Variants in CHST11 observed in about 807,000 individuals in gnomAD.
The protein encoded by CHST11 is C4S-1.
A neutral mutation model predicts 30.4 loss-of-function variants in CHST11; 9 were observed. The ratio of observed to expected loss-of-function variants is 0.30; its 90% CI spans 0.18 to 0.52. CHST11 has a LOEUF of 0.52. Ranked by LOEUF, CHST11 falls within the 20% of genes least tolerant of loss-of-function variation. CHST11 has a pLI of 0.97. For missense variants in CHST11, 348 were observed against 460.6 expected (o/e 0.76, Z 2.24); for synonymous variants, 152 against 187.8 (o/e 0.81, Z 1.56).
intron 2 of CHST11, among the ~76,000 whole-genome samples, chr12:104,744,942 C>T (rs2040378936): frequency 6.6e-6 from 1 of 151,988 alleles, no homozygotes; most frequent in Non-Finnish European, 1.5e-5. Flanking sequence ...GGCATGATCT[C>T]GGCTCACTGC....
At chr12:104,464,724 A>G (rs1270812657) in intron 1 of CHST11, among the ~76,000 whole-genome samples, 2 of 152,190 alleles carry the variant, frequency 1.3e-5, no homozygotes, top group Admixed American at 6.5e-5. Flanking sequence ...GATTTGAGAA[A>G]AATTTTGACT....
chr12:104,714,831 TCA>T (rs1420534332), intron 2 of CHST11, among the ~76,000 whole-genome samples: 1 of 152,186 alleles, frequency 6.6e-6, no homozygotes, highest in East Asian at 1.9e-4. Flanking sequence ...TTTTTGTGCC[TCA>T]GTTTCCTCAT....
In CHST11 at chr12:104,622,340, A is replaced by AT. The variant is rs576135922; in HGVS notation, c.204+20357dup. Among the ~76,000 whole-genome samples, 350 of 152,150 alleles carry AT rather than the reference A, an allele frequency of 2.3e-3. 1 individual carries two copies. Among genetic ancestry groups the AT allele is most frequent in the African/African-American group, 8.0e-3 (334 of 41,516 alleles). On this transcript the variant is annotated intron_variant, in intron 2 of 2. Coordinates refer to ENST00000303694, the MANE Select transcript of CHST11 (RefSeq NM_018413.6). ...CTACCACTGTTTAGTCAGTACATTT[A>AT]TTTTTTTTAAAAGGACGGAGTAAAT... is the stretch of plus-strand genomic sequence containing the variant.
At chr12:104,566,766 C>T (rs2038571637) in intron 1 of CHST11, among the ~76,000 whole-genome samples, 1 of 152,164 alleles carries the variant, frequency 6.6e-6, no homozygotes. Flanking sequence ...GGTACATACA[C>T]CTCCCATGTT....
chr12:104,742,619 C>A (rs769713172), intron 2 of CHST11, among the ~76,000 whole-genome samples: 1 of 152,186 alleles, frequency 6.6e-6, no homozygotes, highest in Non-Finnish European at 1.5e-5. Context: ...CCTATTCCTG[C>A]CCCCCTCCGG....
At chr12:104,598,910 C>T (rs1423612801) in intron 1 of CHST11, among the ~76,000 whole-genome samples, 1 of 42,648 alleles carries the variant, frequency 2.3e-5, no homozygotes, top group Non-Finnish European at 5.4e-5. Context: ...TGACCCTCAC[C>T]TCACAGGTTG....
At chr12:104,482,164 T>C (rs1237199658) in intron 1 of CHST11, among the ~76,000 whole-genome samples, 2 of 152,018 alleles carry the variant, frequency 1.3e-5, no homozygotes, top group Admixed American at 1.3e-4. Flanking sequence ...ATATAAAGAA[T>C]GTATGGCTCT....
At chr12:104,569,807 A>C (rs2038606199) in intron 1 of CHST11, among the ~76,000 whole-genome samples, 1 of 152,180 alleles carries the variant, frequency 6.6e-6, no homozygotes, top group African/African-American at 2.4e-5. Context: ...ACCATGCTGC[A>C]CTGGGAGTCC....
At chr12:104,485,695 G>C (rs951896157) in intron 1 of CHST11, among the ~76,000 whole-genome samples, 2 of 152,062 alleles carry the variant, frequency 1.3e-5, no homozygotes, top group Non-Finnish European at 2.9e-5. Flanking sequence ...GGAATTGGTC[G>C]TGGGGAGCCT....
intron 2 of CHST11, among the ~76,000 whole-genome samples, chr12:104,723,607 C>T (rs567611343): frequency 6.6e-6 from 1 of 152,192 alleles, no homozygotes; most frequent in Non-Finnish European, 1.5e-5. Context: ...GAGAGACATG[C>T]CCCTGGGAGG....
intron 2 of CHST11, among the ~76,000 whole-genome samples, chr12:104,680,853 G>T (rs906145778): frequency 6.6e-6 from 1 of 152,228 alleles, no homozygotes; most frequent in Non-Finnish European, 1.5e-5. Flanking sequence ...GTGAGTGAAG[G>T]GTTCAGGTGA....
At chr12:104,653,892 C>T (rs950166460) in intron 2 of CHST11, among the ~76,000 whole-genome samples, 1 of 152,164 alleles carries the variant, frequency 6.6e-6, no homozygotes, top group Admixed American at 6.5e-5. Context: ...ACTGAAAAAC[C>T]TCAAACGGGT....
intron 1 of CHST11, among the ~76,000 whole-genome samples, chr12:104,503,563 A>G (rs2037873169): frequency 6.6e-6 from 1 of 152,218 alleles, no homozygotes; most frequent in African/African-American, 2.4e-5. Flanking sequence ...GTAGCCAACA[A>G]TAAGAGTCTT....
chr12:104,544,125 TAAA>T lies in CHST11; in HGVS notation c.119-57767_119-57765del, dbSNP rs60776273. Reference sequence around the variant, plus strand: ...GGCAACAGAGAGAGACCCTGTCTGTTAAAAAAAAAAAAAAAAGAAAGAAAGAAA... The same window carrying T: ...GGCAACAGAGAGAGACCCTGTCTGTTAAAAAAAAAAAAAGAAAGAAAGAAA... On this transcript the variant is annotated intron_variant, in intron 1 of 2. Coordinates refer to ENST00000303694, the MANE Select transcript of CHST11 (RefSeq NM_018413.6). Among the ~76,000 whole-genome samples, 18 of 97,378 alleles carry T rather than the reference TAAA, an allele frequency of 1.8e-4. 1 individual carries two copies. Among genetic ancestry groups the T allele is most frequent in the African/African-American group, 3.5e-4 (8 of 23,128 alleles). 63.9% of individuals were successfully genotyped at this position (97,378 alleles called of 152,430 possible). A position where few individuals can be genotyped will look rare whatever the true frequency, so the allele number is the denominator to read the frequency against.
chr12:104,519,589 G>A (rs547123958), intron 1 of CHST11, among the ~76,000 whole-genome samples: 2 of 152,250 alleles, frequency 1.3e-5, no homozygotes, highest in East Asian at 3.9e-4. Flanking sequence ...GCTGTCACTT[G>A]TCCAATTCCA....
At chr12:104,645,066 G>A (rs1307064713) in intron 2 of CHST11, among the ~76,000 whole-genome samples, 1 of 152,062 alleles carries the variant, frequency 6.6e-6, no homozygotes, top group Non-Finnish European at 1.5e-5. Context: ...TCCTGCCTCA[G>A]CCTCCCAAGT....
chr12:104,495,703 G>T (rs533295972), intron 1 of CHST11, among the ~76,000 whole-genome samples: 1 of 152,096 alleles, frequency 6.6e-6, no homozygotes, highest in South Asian at 2.1e-4. Context: ...TGAGGAAGAG[G>T]TTCCATTTTT....
intron 2 of CHST11, among the ~76,000 whole-genome samples, chr12:104,621,935 G>A (rs185833899): frequency 6.6e-6 from 1 of 152,352 alleles, no homozygotes; most frequent in East Asian, 1.9e-4. Flanking sequence ...CGGCAGCAGC[G>A]TGGTGAGTCT....
intron 1 of CHST11, among the ~76,000 whole-genome samples, chr12:104,512,252 T>C (rs754373180): frequency 3.9e-5 from 6 of 152,064 alleles, no homozygotes; most frequent in Non-Finnish European, 8.8e-5. Context: ...AAGCAGTAAT[T>C]TTCTGGTATG....
Sources: gnomAD v4.1 joint callset for allele counts (sites outside exome capture counted in the v4.1 genomes callset) on GRCh38, gnomAD v4.1.1 for gene constraint, MANE v1.5 for transcripts, NCBI Gene and HGNC (gene_info 2026-07-23, HGNC 2026-07-21) for gene names.